The following LACTB variants were observed in gnomAD, a reference collection of about 807,000 sequenced individuals.
The protein encoded by LACTB is serine beta-lactamase-like protein LACTB, mitochondrial.
Under a neutral mutation model 50.2 loss-of-function variants are expected in LACTB, and 35 were observed. The ratio of observed to expected loss-of-function variants is 0.70; its 90% CI spans 0.53 to 0.92. The LOEUF (loss-of-function observed/expected upper bound fraction) is 0.92, where lower values mean the gene tolerates loss of function less well. LACTB is among the 40% of genes least tolerant of loss of function. LACTB has a pLI of 0.00. For synonymous variants in LACTB, 252 were observed against 268.2 expected (o/e 0.94, Z 0.59); for missense variants, 664 against 691.8 (o/e 0.96, Z 0.45).
intron 5 of LACTB, chr15:63,141,018 C>T (rs2037222884): frequency 2.0e-6 from 2 of 984,884 alleles, no homozygotes; most frequent in African/African-American, 3.5e-5. Flanking sequence ...AGGTTTGATA[C>T]ACTCAGCATG....
At chr15:63,122,503 AC>A in intron 1 of LACTB, 132 bp from the exon 2 acceptor site, 2 of 797,114 alleles carry the variant, frequency 2.5e-6, no homozygotes, top group East Asian at 5.2e-5. Flanking sequence ...ATGGCCTGGG[AC>A]GAGGTGGGCG....
At chr15:63,139,722 A>G (rs375211255) in intron 5 of LACTB, among the ~76,000 whole-genome samples, 7 of 152,256 alleles carry the variant, frequency 4.6e-5, no homozygotes, top group African/African-American at 1.7e-4. Context: ...AATCCCAGCT[A>G]CTGGGGAGGC....
At chr15:63,137,285 A>G (rs1184723437) in intron 5 of LACTB, among the ~76,000 whole-genome samples, 1 of 152,222 alleles carries the variant, frequency 6.6e-6, no homozygotes, top group Non-Finnish European at 1.5e-5. Context: ...CTTGCCACTG[A>G]AAGACACTCA....
At chr15:63,124,856 G>C (rs1422161542) in intron 2 of LACTB, among the ~76,000 whole-genome samples, 2 of 152,020 alleles carry the variant, frequency 1.3e-5, no homozygotes, top group Non-Finnish European at 2.9e-5. Context: ...CGGGAGGCCA[G>C]GATACGAGAA....
chr15:63,122,227 A>T lies in LACTB; in HGVS notation c.356A>T (p.Lys119Met). 1 of 1,555,894 alleles carries T rather than the reference A, an allele frequency of 6.4e-7. No individual in the cohort carries two copies. The highest frequency in any genetic ancestry group is 8.6e-7 in the Non-Finnish European group (1 of 1,160,466). The change falls in exon 1 of 6, where the codon AAG becomes ATG. Residue 119 changes from lysine (K) to methionine (M), a missense_variant and splice_region_variant. Coordinates refer to ENST00000261893, the MANE Select transcript of LACTB (RefSeq NM_032857.5). The stretch of plus-strand genomic sequence containing the variant: ...AGCCGCGACCTGCTGCACAGGATCA[A>T]GGTGCGGCCACTGGAGCGGGGGGCG... ...ESSRDLLHRI[K>M]DEVGAPGIVV...
Position 63,127,367 on chromosome 15 carries a change from A to G in LACTB, c.630A>G (p.Thr210=), listed in dbSNP as rs750413901. ...TTTACAATTAGGTTTCTGTCACAAC[A>G]AGATTACTGATTTCCCATTTAAGTG... ...EYEGEKVSVT[T]RLLISHLSGI... The change falls in exon 4 of 6, where the codon ACA becomes ACG. Residue 210 remains threonine, a synonymous_variant. Transcript: ENST00000261893. The G allele has an allele frequency of 2.6e-6, 4 of 1,565,498 alleles. No individual in the cohort carries two copies. In the South Asian group the frequency reaches 3.6e-5, roughly 14 times the overall value.
chr15:63,139,192 TCCAAAAAA>T (rs1480072282), intron 5 of LACTB, among the ~76,000 whole-genome samples: 11 of 125,850 alleles, frequency 8.7e-5, no homozygotes, highest in African/African-American at 3.5e-4. Flanking sequence ...CTACTAAAAA[TCCAAAAAA>T]AAAAAAAAAA....
chr15:63,132,962 A>T (rs1400442196), intron 5 of LACTB, among the ~76,000 whole-genome samples: 1 of 152,240 alleles, frequency 6.6e-6, no homozygotes, highest in East Asian at 1.9e-4. Flanking sequence ...GATTTAAAAC[A>T]TTTAAACGAC....
At position 63,122,187 on chromosome 15, in the gene LACTB, A is replaced by G. The variant is rs746721789; in HGVS notation, c.316A>G (p.Arg106Gly). The G allele has an allele frequency of 6.5e-7, 1 of 1,538,500 alleles. No individual in the cohort carries two copies. Among genetic ancestry groups the G allele is most frequent in the South Asian group, 1.2e-5 (1 of 84,472 alleles). ...GCCGCCCTGCTCCAGGTGCTTCGCC[A>G]GAGCCATCGAGAGCAGCCGCGACCT... Reference protein sequence around the residue: ...PAPPCSRCFARAIESSRDLLH... With the variant: ...PAPPCSRCFAGAIESSRDLLH... Residue 106 changes from arginine to glycine, a missense_variant, in exon 1 of 6, where the codon AGA (arginine) becomes GGA (glycine). By Grantham distance (125) the Arg-to-Gly change is moderately radical. Transcript: ENST00000261893.
intron 3 of LACTB, 80 bp downstream of exon 3, chr15:63,127,129 G>A (rs2037063994): frequency 1.7e-6 from 2 of 1,148,310 alleles, no homozygotes; most frequent in Non-Finnish European, 2.4e-6. Context: ...TGTTTCATAG[G>A]ATTCTTTGGC....
intron 5 of LACTB, among the ~76,000 whole-genome samples, chr15:63,135,968 A>C (rs1435754259): frequency 6.6e-6 from 1 of 152,052 alleles, no homozygotes; most frequent in Non-Finnish European, 1.5e-5. Context: ...TGTTTTCTTG[A>C]TGAGTAATTA....
At chr15:63,127,323 G>A (rs1036154227) in intron 3 of LACTB, 30 bp from the exon 4 acceptor site, 14 of 1,452,102 alleles carry the variant, frequency 9.6e-6, no homozygotes, top group Non-Finnish European at 1.3e-5. Flanking sequence ...GGTTAATATT[G>A]TAATTGAATT....
At position 63,123,799 on chromosome 15, in the gene LACTB, A is replaced by G. The variant is rs536380837; in HGVS notation, c.424+1097A>G. On this transcript the variant is annotated intron_variant, in intron 2 of 5. Transcript: ENST00000261893. ...CATATCAGAGACTTTTAGTACTTTCACTAATTGACTACTGCTATCTAGAAG... is the reference window on the plus strand; with the variant it reads ...CATATCAGAGACTTTTAGTACTTTCGCTAATTGACTACTGCTATCTAGAAG... 2.5e-4 allele frequency among the ~76,000 whole-genome samples: 38 copies of G among 152,300 alleles called. No individual in the cohort carries two copies. In the East Asian group the frequency reaches 4.8e-3, roughly 19 times the overall value.
chr15:63,122,316 G>T lies in LACTB; in HGVS notation c.357+88G>T, dbSNP rs1369205448. The T allele has an allele frequency of 1.7e-5, 19 of 1,139,330 alleles. 1 individual carries two copies. The highest frequency in any genetic ancestry group is 1.9e-5 in the Non-Finnish European group (16 of 830,328). The allele number at this position is 1,139,330 out of a possible 1,614,324, so 70.6% of individuals were successfully genotyped here. ...GGGGGCTGAGTGGACCCCACCCGGG[G>T]CGGCGGGGTGCCCGCGATCGGCTTC... is the stretch of plus-strand genomic sequence containing the variant. On this transcript the variant is annotated intron_variant, in intron 1 of 5. Transcript: ENST00000261893.
rs992606872 is a variant in LACTB at position 63,127,695 on chromosome 15, T to A, written c.952+6T>A. On this transcript the variant is annotated splice_donor_region_variant and intron_variant, in intron 4 of 5. Transcript: ENST00000261893. ...TCCTTTGTTCTTCAAACCTGGTGAG[T>A]GTTAATCCCTTCTCTTAACAAAATC... The A allele has an allele frequency of 3.3e-6, 5 of 1,503,534 alleles. No homozygotes were observed. The Admixed American group carries it at 6.1e-5, about 18-fold the overall frequency. 93.1% of individuals were successfully genotyped at this position (1,503,534 alleles called of 1,614,324 possible). A position where few individuals can be genotyped will look rare whatever the true frequency, so the allele number is the denominator to read the frequency against.
chr15:63,128,201 C>T (rs1284298440), intron 4 of LACTB, among the ~76,000 whole-genome samples: 2 of 152,000 alleles, frequency 1.3e-5, no homozygotes, highest in Non-Finnish European at 2.9e-5. Flanking sequence ...GTTTGATATA[C>T]TTATATTCAT....
At chr15:63,137,330 G>A (rs892402065) in intron 5 of LACTB, among the ~76,000 whole-genome samples, 3 of 152,126 alleles carry the variant, frequency 2.0e-5, no homozygotes, top group Middle Eastern at 3.4e-3. Flanking sequence ...TCAATGCCTC[G>A]GCTTATTATT....
chr15:63,132,584 G>T (rs1212036565), intron 5 of LACTB, among the ~76,000 whole-genome samples: 1 of 152,098 alleles, frequency 6.6e-6, no homozygotes, highest in Non-Finnish European at 1.5e-5. Context: ...TTGGGAGGCT[G>T]AAGCAGGTGG....
intron 2 of LACTB, among the ~76,000 whole-genome samples, chr15:63,123,948 C>G (rs558265550): frequency 6.6e-6 from 1 of 152,266 alleles, no homozygotes; most frequent in East Asian, 1.9e-4. Context: ...GATGTCAGGC[C>G]CTCCACAAGA....
Sources: allele counts gnomAD v4.1 joint callset (sites outside exome capture counted in the v4.1 genomes callset), GRCh38; gene constraint gnomAD v4.1.1; transcripts MANE v1.5; gene names NCBI Gene and HGNC (gene_info 2026-07-23, HGNC 2026-07-21).